The following ELOVL2 variants were observed in gnomAD, a reference collection of about 807,000 sequenced individuals.
The protein encoded by ELOVL2 is very long chain fatty acid elongase 2.
In ELOVL2, 38 loss-of-function variants were observed where a neutral mutation model predicts 37.7. The observed-to-expected ratio is 1.01, with a 90% confidence interval of 0.78 to 1.32. The LOEUF (loss-of-function observed/expected upper bound fraction) is 1.32. Among genes scored for constraint, ELOVL2 ranks in the 40% most tolerant of loss-of-function variants. ELOVL2 has a pLI of 0.00. For missense variants in ELOVL2, 352 were observed against 363.6 expected, an observed-to-expected ratio of 0.97 and a Z score of 0.26; for synonymous variants, 115 against 122.3, an observed-to-expected ratio of 0.94 and a Z score of 0.40.
chr6:11,027,808 A>G (rs928850204), intron 1 of ELOVL2, among the ~76,000 whole-genome samples: 1 of 152,116 alleles, frequency 6.6e-6, no homozygotes, highest in African/African-American at 2.4e-5. Context: ...TTCCACAAGC[A>G]CTAACTGAAC....
At chr6:11,008,397 G>T (rs1470680333) in intron 2 of ELOVL2, among the ~76,000 whole-genome samples, 2 of 152,218 alleles carry the variant, frequency 1.3e-5, no homozygotes. Flanking sequence ...CAGACAAGTT[G>T]TTGTTTAACT....
chr6:10,996,813 C>A (rs1782277011), intron 4 of ELOVL2, among the ~76,000 whole-genome samples: 1 of 151,452 alleles, frequency 6.6e-6, no homozygotes, highest in Non-Finnish European at 1.5e-5. Context: ...AGTTCAAGAC[C>A]AGCCTGGTTA....
chr6:11,006,561 T>A (rs76053952), intron 2 of ELOVL2, among the ~76,000 whole-genome samples: 2,584 of 152,256 alleles, frequency 0.017, 69 homozygotes, highest in African/African-American at 0.058. Context: ...TTTCTTGAAT[T>A]TTTTGTTTTC....
At chr6:11,017,161 T>A (rs1206757028) in intron 1 of ELOVL2, among the ~76,000 whole-genome samples, 1 of 152,230 alleles carries the variant, frequency 6.6e-6, no homozygotes, top group East Asian at 1.9e-4. Flanking sequence ...GTTAATAAGC[T>A]AACCCTCATG....
At chr6:11,010,515 A>C (rs1310342416) in intron 2 of ELOVL2, among the ~76,000 whole-genome samples, 2 of 152,254 alleles carry the variant, frequency 1.3e-5, no homozygotes, top group African/African-American at 4.8e-5. Context: ...ATTTCACTCT[A>C]TCTCTGCTTC....
At chr6:11,029,254 G>C (rs58032963) in intron 1 of ELOVL2, among the ~76,000 whole-genome samples, 12,349 of 139,748 alleles carry the variant, frequency 0.088, 1,655 homozygotes, top group African/African-American at 0.32. Context: ...AAAAAGGTAG[G>C]CTGGCATTCA....
chr6:11,027,343 G>A lies in ELOVL2; in HGVS notation c.4-16534C>T, dbSNP rs577432784. Among the ~76,000 whole-genome samples the A allele has an allele frequency of 1.1e-4, 17 of 152,190 alleles. No individual in the cohort carries two copies. In the East Asian group the frequency reaches 2.9e-3, roughly 26 times the overall value. ...AAGTGACTTTTTTTAAACCTCAGAT[G>A]AGTAGGAGCAGCTTATTGGCTCTCG... On this transcript the variant is annotated intron_variant, in intron 1 of 7. Coordinates refer to ENST00000354666, the MANE Select transcript of ELOVL2 (RefSeq NM_017770.4).
chr6:11,026,865 T>TATC (rs57528832), intron 1 of ELOVL2, among the ~76,000 whole-genome samples: 1 of 152,180 alleles, frequency 6.6e-6, no homozygotes, highest in African/African-American at 2.4e-5. Context: ...TAGAGATTTC[T>TATC]TTTAAAATAT....
intron 1 of ELOVL2, among the ~76,000 whole-genome samples, chr6:11,037,096 T>C (rs971787828): frequency 4.2e-5 from 4 of 94,272 alleles, no homozygotes; most frequent in East Asian, 3.3e-4. Context: ...GACAGAGAGG[T>C]AGAGAGGGAA....
intron 2 of ELOVL2, among the ~76,000 whole-genome samples, chr6:11,009,099 G>A (rs1182907013): frequency 6.6e-6 from 1 of 152,210 alleles, no homozygotes; most frequent in Non-Finnish European, 1.5e-5. Context: ...TCCCAGAACT[G>A]TAATAAACCC....
chr6:11,038,052 T>C (rs1044931248), intron 1 of ELOVL2, among the ~76,000 whole-genome samples: 11 of 152,140 alleles, frequency 7.2e-5, no homozygotes, highest in African/African-American at 2.7e-4. Context: ...GAGGTGGTTA[T>C]TTTGGATTGA....
chr6:10,988,744 AAG>A (rs1161845845), intron 7 of ELOVL2, among the ~76,000 whole-genome samples: 1 of 152,198 alleles, frequency 6.6e-6, no homozygotes, highest in Non-Finnish European at 1.5e-5. Context: ...CAGCCTACAA[AAG>A]AGAGCAATTT....
rs187510731 is a variant in ELOVL2 at position 11,040,778 on chromosome 6, C to A, written c.3+3450G>T. Among the ~76,000 whole-genome samples the A allele has an allele frequency of 3.3e-5, 5 of 152,236 alleles. No homozygotes were observed. The East Asian group carries it at 9.6e-4, about 29-fold the overall frequency. ...CACTGTTTTAGACACATAAAGGGCA[C>A]CATCATATTTGTTCCTCCCGAAAAC... On this transcript the variant is annotated intron_variant, in intron 1 of 7. Transcript: ENST00000354666.
rs199563975 is a variant in ELOVL2, at chr6:11,005,559, T to G, written c.68A>C (p.Asp23Ala). 3.7e-6 allele frequency: 6 copies of G among 1,611,724 alleles called. No individual in the cohort carries two copies. The highest frequency in any genetic ancestry group is 5.1e-6 in the Non-Finnish European group (6 of 1,178,972). ...CATGAACCACCCTCTGACTCGAGAA[T>G]CTGAAAAGAAACACATACAGTGAGG... ...AFLDNMFGPR[D>A]SRVRGWFMLD... The change falls in exon 3 of 8, where the codon GAT becomes GCT. Residue 23 changes from aspartate (D) to alanine (A), a missense_variant and splice_region_variant. Transcript: ENST00000354666.
At chr6:11,013,793 C>A (rs1461435033) in intron 1 of ELOVL2, among the ~76,000 whole-genome samples, 1 of 151,190 alleles carries the variant, frequency 6.6e-6, no homozygotes, top group African/African-American at 2.4e-5. Flanking sequence ...TAGACCTGAG[C>A]GAGAGGCACT....
chr6:11,043,469 C>CACACACACACACACACACACACACACA lies in ELOVL2; in HGVS notation c.3+758_3+759insTGTGTGTGTGTGTGTGTGTGTGTGTGT, dbSNP rs1296294827. On this transcript the variant is annotated intron_variant, in intron 1 of 7. Coordinates refer to ENST00000354666, the MANE Select transcript of ELOVL2 (RefSeq NM_017770.4). ...AGGCAGTTCATCGGACACGGGTGAA[C>CACACACACACACACACACACACACACA]ACACACACACACACACACAGCTTAC... is the stretch of plus-strand genomic sequence containing the variant. 4.0e-5 allele frequency: 3 copies of CACACACACACACACACACACACACACA among 74,472 alleles called. No homozygotes were observed. In the African/African-American group the frequency reaches 4.0e-4, roughly 10 times the overall value. The allele number at this position is 74,472 out of a possible 1,614,324, so 4.6% of individuals were successfully genotyped here.
intron 1 of ELOVL2, among the ~76,000 whole-genome samples, chr6:11,042,759 C>G (rs1333097052): frequency 2.6e-5 from 4 of 152,008 alleles, no homozygotes; most frequent in African/African-American, 9.7e-5. Flanking sequence ...ACTTGAGACT[C>G]TCATCATTAC....
At position 11,022,558 on chromosome 6, in the gene ELOVL2, G is replaced by A. The variant is rs149528253; in HGVS notation, c.4-11749C>T. 2.1e-3 allele frequency among the ~76,000 whole-genome samples: 321 copies of A among 152,316 alleles called. 1 individual carries two copies. The highest frequency in any genetic ancestry group is 7.4e-3 in the African/African-American group (307 of 41,566). ...AACAGGTACAGGGAATTTGTGAGGA[G>A]CTGGGGAAAGAACTGGTGAAACATA... On this transcript the variant is annotated intron_variant, in intron 1 of 7. Transcript: ENST00000354666.
chr6:10,992,516 C>T (rs966886796), intron 5 of ELOVL2, among the ~76,000 whole-genome samples: 4 of 152,316 alleles, frequency 2.6e-5, no homozygotes, highest in East Asian at 1.9e-4. Flanking sequence ...TTAGGCCGGG[C>T]GTGGTGGCTC....
Sources: gnomAD v4.1 joint callset for allele counts (sites outside exome capture counted in the v4.1 genomes callset) on GRCh38, gnomAD v4.1.1 for gene constraint, MANE v1.5 for transcripts, NCBI Gene and HGNC (gene_info 2026-07-23, HGNC 2026-07-21) for gene names.